Variants in VCP observed in about 807,000 individuals in gnomAD.
VCP encodes valosin containing protein, also known as transitional endoplasmic reticulum ATPase.
Under a neutral mutation model 85.7 loss-of-function variants are expected in VCP, and 6 were observed. That is an observed-to-expected ratio of 0.07 (90% CI 0.04 to 0.14). The LOEUF (loss-of-function observed/expected upper bound fraction) is 0.14, where lower values mean the gene tolerates loss of function less well. VCP is among the 10% of genes least tolerant of loss of function. VCP has a pLI of 1.00. For synonymous variants in VCP, 384 were observed against 367.1 expected (o/e 1.05, Z -0.53); for missense variants, 353 against 1,043.4 (o/e 0.34, Z 9.12).
chr9:35,057,463 G>A lies in VCP; in HGVS notation c.2228C>T (p.Ala743Val), dbSNP rs771662410. The A allele has an allele frequency of 6.2e-7, 1 of 1,614,130 alleles. No homozygotes were observed. Among genetic ancestry groups the A allele is most frequent in the Non-Finnish European group, 8.5e-7 (1 of 1,180,050 alleles). The change falls in exon 16 of 17, where the codon GCG becomes GTG. Residue 743 changes from alanine (A) to valine (V), a missense_variant. Ala to Val is a moderately conservative substitution (Grantham distance 64). This residue lies in a region of VCP where 93 missense variants were observed against 197.1 expected (regional missense o/e 0.47). Transcript: ENST00000358901. ...GTCATTGTCACTGACAGAACGGCGC[G>A]CAAAGCGCATGGCTTCTTCAAAGTG... ...RDHFEEAMRF[A>V]RRSVSDNDIR...
chr9:35,062,176 G>A (rs1246151283), intron 8 of VCP, 38 bp from the exon 9 acceptor site: 3 of 1,614,036 alleles, frequency 1.9e-6, no homozygotes, highest in East Asian at 2.2e-5. Context: ...GTGAAGTCAG[G>A]GCCTTTCAAC....
chr9:35,068,122 C>A, intron 2 of VCP, 59 bp from the exon 3 acceptor site: 2 of 1,612,632 alleles, frequency 1.2e-6, no homozygotes, highest in South Asian at 2.2e-5. Context: ...AAGCAGCAGC[C>A]CTGGAGATTG....
intron 13 of VCP, chr9:35,060,013 TC>T: frequency 1.5e-6 from 1 of 673,122 alleles, no homozygotes; most frequent in Non-Finnish European, 2.5e-6. Context: ...ATGCCTATAG[TC>T]CCAGCTACTC....
chr9:35,057,555 T>G, intron 15 of VCP, 25 bp from the exon 16 acceptor site: 2 of 1,603,914 alleles, frequency 1.2e-6, no homozygotes, highest in Non-Finnish European at 1.7e-6. Flanking sequence ...CACAGATCAC[T>G]AGGGCTAGTT....
chr9:35,071,900 C>A, intron 1 of VCP: 1 of 1,001,282 alleles, frequency 1.0e-6, no homozygotes, highest in Non-Finnish European at 1.2e-6. Flanking sequence ...CCGGGCCCGG[C>A]TGGGGCCTCG....
rs889646875 is a variant in VCP at position 35,069,540 on chromosome 9, C to T, written c.18-1178G>A. Among the ~76,000 whole-genome samples the T allele has an allele frequency of 8.6e-5, 13 of 151,646 alleles. 1 individual carries two copies. Among genetic ancestry groups the T allele is most frequent in the South Asian group, 4.2e-4 (2 of 4,806 alleles). ...CGATCTCAGCTAACTGCAACCTCCACCTCCCGGGTTCAAGTGATTCTCCTG... is the reference window on the plus strand; with the variant it reads ...CGATCTCAGCTAACTGCAACCTCCATCTCCCGGGTTCAAGTGATTCTCCTG... On this transcript the variant is annotated intron_variant, in intron 1 of 16. Transcript: ENST00000358901.
chr9:35,068,748 G>A (rs1217902918), intron 1 of VCP, among the ~76,000 whole-genome samples: 1 of 152,130 alleles, frequency 6.6e-6, no homozygotes, highest in Non-Finnish European at 1.5e-5. Context: ...GACCCATTGG[G>A]TCTGAATTCC....
Position 35,057,129 on chromosome 9 carries a change from G to C in VCP, c.2409C>G (p.Asp803Glu). The stretch of plus-strand genomic sequence containing the variant: ...TGGCCACCACCACTTAGCCATACAG[G>C]TCATCATCATTGTCTTCTGTGTATA... ...GSVYTEDNDD[D>E]LYG is the part of the protein sequence containing the mutation. The change falls in exon 17 of 17, where the codon GAC becomes GAG. Residue 803 changes from aspartate (D) to glutamate (E), a missense_variant. Physicochemically the swap from Asp to Glu is conservative, Grantham distance 45. Transcript: ENST00000358901. 1.2e-6 allele frequency: 2 copies of C among 1,614,098 alleles called. No individual in the cohort carries two copies. The highest frequency in any genetic ancestry group is 8.5e-7 in the Non-Finnish European group (1 of 1,180,004).
At chr9:35,065,864 C>T (rs1434388901) in intron 4 of VCP, among the ~76,000 whole-genome samples, 4 of 152,088 alleles carry the variant, frequency 2.6e-5, no homozygotes, top group African/African-American at 7.2e-5. Flanking sequence ...TGTGTGTATA[C>T]AAATATATGA....
At chr9:35,057,642 G>A (rs1401490329) in intron 15 of VCP, 112 bp from the exon 16 acceptor site, 3 of 1,402,872 alleles carry the variant, frequency 2.1e-6, no homozygotes, top group African/African-American at 2.8e-5. Flanking sequence ...AATCCAACCT[G>A]AGGTAAGATG....
chr9:35,069,444 C>CTTTTTTTTTTTTT (rs35498216), intron 1 of VCP, among the ~76,000 whole-genome samples: 2 of 96,106 alleles, frequency 2.1e-5, no homozygotes, highest in Non-Finnish European at 4.2e-5. Context: ...CTCCCTCTCC[C>CTTTTTTTTTTTTT]TTTTTTTTTT....
chr9:35,063,958 G>A (rs766296036), intron 6 of VCP, among the ~76,000 whole-genome samples, 196 bp downstream of exon 6: 15 of 152,242 alleles, frequency 9.9e-5, no homozygotes, highest in Non-Finnish European at 1.9e-4. Flanking sequence ...CAGACAATTT[G>A]ATTAGCCTAC....
intron 1 of VCP, among the ~76,000 whole-genome samples, chr9:35,071,589 A>C (rs997211230): frequency 1.6e-4 from 24 of 152,242 alleles, no homozygotes; most frequent in Admixed American, 3.3e-4. Context: ...AAAATGTTAA[A>C]GAAAAATTCC....
In VCP at chr9:35,059,629, G is replaced by C; in HGVS notation, c.1868C>G (p.Thr623Ser). 6.2e-7 allele frequency: 1 copy of C among 1,614,142 alleles called. No homozygotes were observed. The highest frequency in any genetic ancestry group is 1.1e-5 in the South Asian group (1 of 91,088). The change falls in exon 14 of 17, where the codon ACC becomes AGC. Residue 623 changes from threonine to serine, a missense_variant. Around this residue, in one of 8 missense-constraint regions of VCP, gnomAD observed 30 missense variants for 192.3 expected, o/e 0.16. Transcript: ENST00000358901. The surrounding 1 kb of genome is among the most constrained non-coding windows in gnomAD (Gnocchi z 4.9). ...TKKNVFIIGA[T>S]NRPDIIDPAI... ...AGGATCAATGATGTCAGGCCGGTTG[G>C]TAGCGCCAATGATGAACACATTTTT... is the stretch of plus-strand genomic sequence containing the variant.
rs571023852 is a variant in VCP at position 35,059,329 on chromosome 9, C to T, written c.2005-110G>A. 2 of 1,550,838 alleles carry T rather than the reference C, an allele frequency of 1.3e-6. No individual in the cohort carries two copies. The highest frequency in any genetic ancestry group is 1.4e-5 in the African/African-American group (1 of 73,556). The stretch of plus-strand genomic sequence containing the variant: ...TACAGTTTGCCCCTTCTTTGGCCAC[C>T]CCATTTTATTCCTGATTCTAGATTA... On this transcript the variant is annotated intron_variant, in intron 14 of 16. Coordinates refer to ENST00000358901, the MANE Select transcript of VCP (RefSeq NM_007126.5). This position sits in a 1 kb window ranked among gnomAD's most constrained non-coding sequence, Gnocchi z 4.9.
rs1828626240 is a variant in VCP, at chr9:35,057,191, G to A, written c.2347C>T (p.Pro783Ser). The A allele has an allele frequency of 1.9e-6, 3 of 1,614,156 alleles. No individual in the cohort carries two copies. The highest frequency in any genetic ancestry group is 1.7e-5 in the Admixed American group (1 of 60,008). Residue 783 changes from proline (P) to serine (S), a missense_variant, in exon 17 of 17, where the codon CCC (proline) becomes TCC (serine). Physicochemically the swap from Pro to Ser is moderately conservative, Grantham distance 74. Coordinates refer to ENST00000358901, the MANE Select transcript of VCP (RefSeq NM_007126.5). ...FPSGNQGGAG[P>S]SQGSGGGTGG... ...GTGCCGCCTCCACTGCCCTGACTGGGGCCAGCTCCACCCTGGTTCCCTGAA... is the reference window on the plus strand; with the variant it reads ...GTGCCGCCTCCACTGCCCTGACTGGAGCCAGCTCCACCCTGGTTCCCTGAA...
intron 15 of VCP, chr9:35,057,918 TACCTTAATAA>T: frequency 3.0e-6 from 1 of 337,802 alleles, no homozygotes; most frequent in Non-Finnish European, 5.7e-6. Flanking sequence ...ATTTATATCA[TACCTTAATAA>T]ACCTTAATAC....
At chr9:35,058,770 A>C (rs796432390) in intron 15 of VCP, among the ~76,000 whole-genome samples, 28 of 152,030 alleles carry the variant, frequency 1.8e-4, no homozygotes, top group African/African-American at 6.8e-4. Flanking sequence ...TCGTCTCAAA[A>C]AAAAAACAAA....
At chr9:35,060,629 A>T in intron 12 of VCP, 104 bp from the exon 13 acceptor site, 1 of 1,513,150 alleles carries the variant, frequency 6.6e-7, no homozygotes, top group Non-Finnish European at 9.1e-7. Context: ...ACCCAATGGT[A>T]TCAGATCCAG....
Sources: gnomAD v4.1 joint callset for allele counts (sites outside exome capture counted in the v4.1 genomes callset) on GRCh38, gnomAD v4.1.1 for gene constraint, gnomAD v4.1.1 regional missense constraint, Gnocchi (gnomAD v3.1) non-coding constraint, MANE v1.5 for transcripts, NCBI Gene and HGNC (gene_info 2026-07-23, HGNC 2026-07-21) for gene names.